The following CYP4Z1 variants were observed in gnomAD, a reference collection of about 807,000 sequenced individuals.
CYP4Z1 encodes cytochrome P450 family 4 subfamily Z member 1, also known as cytochrome P450 4Z1.
Under a neutral mutation model 54.2 loss-of-function variants are expected in CYP4Z1, and 41 were observed. That is an observed-to-expected ratio of 0.76 (90% CI 0.59 to 0.98). The LOEUF is 0.98. Among genes scored for constraint, CYP4Z1 ranks in the 50% least tolerant of loss-of-function variants. The pLI is 0.00. For synonymous variants in CYP4Z1, 163 were observed against 206.2 expected (o/e 0.79, Z 1.79); for missense variants, 513 against 599.0 (o/e 0.86, Z 1.50).
At chr1:47,089,147 A>G (rs1037910347) in intron 6 of CYP4Z1, among the ~76,000 whole-genome samples, 1 of 150,784 alleles carries the variant, frequency 6.6e-6, no homozygotes, top group Non-Finnish European at 1.5e-5. Flanking sequence ...GTTTTAGATC[A>G]TAAGTTTAGT....
chr1:47,103,595 C>CTTTTTTTTTT (rs373166937), intron 8 of CYP4Z1, among the ~76,000 whole-genome samples: 27 of 96,020 alleles, frequency 2.8e-4, no homozygotes, highest in East Asian at 1.7e-3. Context: ...TCTTTTTTTT[C>CTTTTTTTTTT]TTTTTTTTTT....
rs762445971 is a variant in CYP4Z1 at position 47,082,337 on chromosome 1, G to A, written c.368G>A (p.Arg123Gln). The A allele has an allele frequency of 1.1e-5, 18 of 1,602,862 alleles. No homozygotes were observed. The highest frequency in any genetic ancestry group is 6.9e-5 in the Admixed American group (4 of 58,358). Residue 123 changes from arginine (R) to glutamine (Q), a missense_variant, in exon 4 of 12, where the codon CGA becomes CAA. Physicochemically the swap from Arg to Gln is conservative, Grantham distance 43. Coordinates refer to ENST00000334194, the MANE Select transcript of CYP4Z1 (RefSeq NM_178134.3). The part of the protein sequence containing the change: ...SHKILESWVG[R>Q]GLVTLDGSKW... The stretch of plus-strand genomic sequence containing the variant: ...GTTGCCCCTCTCATTTCATAAGGTC[G>A]AGGACTTGTGACCCTGGATGGTTCT...
chr1:47,116,601 T>A, intron 10 of CYP4Z1, 49 bp from the exon 11 acceptor site: 3 of 1,230,098 alleles, frequency 2.4e-6, no homozygotes, highest in Non-Finnish European at 3.4e-6. Flanking sequence ...TTGTTTTTTG[T>A]GGGGGTGGGC....
At chr1:47,103,524 G>C (rs1440328531) in intron 8 of CYP4Z1, among the ~76,000 whole-genome samples, 2 of 147,244 alleles carry the variant, frequency 1.4e-5, no homozygotes, top group African/African-American at 5.0e-5. Flanking sequence ...TGAATTTCTT[G>C]TCTGACTTCT....
At chr1:47,056,564 CG>C in the CYP4Z1 span, among the ~76,000 whole-genome samples, 2 of 152,020 alleles carry the variant, frequency 1.3e-5, no homozygotes, top group Non-Finnish European at 2.9e-5. Context: ...TAAGTCTCTT[CG>C]TAGGTCACTA....
chr1:47,117,419 A>G (rs564547668), intron 11 of CYP4Z1, among the ~76,000 whole-genome samples: 7 of 152,146 alleles, frequency 4.6e-5, no homozygotes, highest in African/African-American at 1.4e-4. Context: ...CTTAAAATAA[A>G]ACATTTGCTG....
intron 7 of CYP4Z1, among the ~76,000 whole-genome samples, chr1:47,097,548 G>A (rs1644687055): frequency 6.6e-6 from 1 of 152,102 alleles, no homozygotes; most frequent in Non-Finnish European, 1.5e-5. Context: ...CTCCCAGCAT[G>A]GTTTATTAAA....
chr1:47,086,028 CT>C (rs1400961968), intron 6 of CYP4Z1, among the ~76,000 whole-genome samples: 1 of 151,588 alleles, frequency 6.6e-6, no homozygotes, highest in Non-Finnish European at 1.5e-5. Flanking sequence ...TGAACTCATC[CT>C]TTTTTATGGC....
chr1:47,063,901 A>AT (rs369592786), upstream of CYP4Z1, among the ~76,000 whole-genome samples: 8 of 151,912 alleles, frequency 5.3e-5, no homozygotes, highest in Admixed American at 1.3e-4. Flanking sequence ...CACCTGGGAA[A>AT]TTCATCACAA....
Position 47,103,278 on chromosome 1 carries a change from C to T in CYP4Z1, c.1068-2850C>T, listed in dbSNP as rs757687009. ...CACTGCAGCCTCAAACTCCTGGGCTCAAGCAGTCTTCCTGTTTCAGCCTTC... is the reference window on the plus strand; with the variant it reads ...CACTGCAGCCTCAAACTCCTGGGCTTAAGCAGTCTTCCTGTTTCAGCCTTC... On this transcript the variant is annotated intron_variant, in intron 8 of 11. Transcript: ENST00000334194. 2.0e-5 allele frequency among the ~76,000 whole-genome samples: 3 copies of T among 151,864 alleles called. 1 individual carries two copies. Among genetic ancestry groups the T allele is most frequent in the African/African-American group, 4.8e-5 (2 of 41,336 alleles).
chr1:47,058,292 A>G, the CYP4Z1 span, among the ~76,000 whole-genome samples: 1 of 151,966 alleles, frequency 6.6e-6, no homozygotes, highest in African/African-American at 2.4e-5. Context: ...ATAATTTTTC[A>G]CTTTTAAAAT....
At chr1:47,066,709 A>AG (rs1236899479), upstream of CYP4Z1, among the ~76,000 whole-genome samples, 3 of 152,136 alleles carry the variant, frequency 2.0e-5, no homozygotes, top group Non-Finnish European at 2.9e-5. Context: ...ATTGGTAAAA[A>AG]GGAGGTCAAA....
upstream of CYP4Z1, among the ~76,000 whole-genome samples, chr1:47,065,719 A>G (rs1433099200): frequency 1.3e-5 from 2 of 152,158 alleles, no homozygotes; most frequent in African/African-American, 4.8e-5. Flanking sequence ...AAAAAATACA[A>G]AAAATAAATG....
chr1:47,106,637 C>T (rs1465642458), intron 9 of CYP4Z1, among the ~76,000 whole-genome samples: 5 of 152,138 alleles, frequency 3.3e-5, no homozygotes, highest in Admixed American at 6.6e-5. Context: ...CCTTCCCTCA[C>T]GCACACCGGC....
In CYP4Z1 at chr1:47,117,836, A is replaced by G. The variant is rs747332699; in HGVS notation, c.1420A>G (p.Lys474Glu). ...AGTGGCATTAACTCTGCTCCGCTTC[A>G]AGCTGGCTCCAGACCACTCAAGGCC... is the stretch of plus-strand genomic sequence containing the variant. ...VAVALTLLRF[K>E]LAPDHSRPPQ... The change falls in exon 12 of 12, where the codon AAG becomes GAG. Residue 474 changes from lysine to glutamate, a missense_variant. Coordinates refer to ENST00000334194, the MANE Select transcript of CYP4Z1 (RefSeq NM_178134.3). 3.7e-6 allele frequency: 6 copies of G among 1,613,616 alleles called. No individual in the cohort carries two copies. Among genetic ancestry groups the G allele is most frequent in the South Asian group, 2.2e-5 (2 of 91,062 alleles).
chr1:47,090,173 T>G (rs1378480230), intron 6 of CYP4Z1, among the ~76,000 whole-genome samples: 3 of 152,246 alleles, frequency 2.0e-5, no homozygotes, highest in African/African-American at 7.2e-5. Flanking sequence ...TGGATTATAT[T>G]ATGAACCTTC....
chr1:47,105,678 A>G (rs1644751682), intron 8 of CYP4Z1, among the ~76,000 whole-genome samples: 1 of 152,066 alleles, frequency 6.6e-6, no homozygotes, highest in Non-Finnish European at 1.5e-5. Flanking sequence ...TCTACTTGCT[A>G]TGTTGGTTCC....
In CYP4Z1 at chr1:47,067,532, C is replaced by G; in HGVS notation, c.42C>G (p.Phe14Leu). The G allele has an allele frequency of 6.2e-7, 1 of 1,613,126 alleles. No homozygotes were observed. Among genetic ancestry groups the G allele is most frequent in the Non-Finnish European group, 8.5e-7 (1 of 1,179,474 alleles). Reference sequence around the variant, plus strand: ...TTCAGGAACTCATGGCTCACCCCTTCTTGCTGCTGATCCTCCTCTGCATGT... The same window carrying G: ...TTCAGGAACTCATGGCTCACCCCTTGTTGCTGCTGATCCTCCTCTGCATGT... ...SWLQELMAHP[F>L]LLLILLCMSL... is the part of the protein sequence containing the mutation. The change falls in exon 1 of 12, where the codon TTC becomes TTG. Residue 14 changes from phenylalanine (F) to leucine (L), a missense_variant. By Grantham distance (22) the Phe-to-Leu change is conservative (BLOSUM62 0). Transcript: ENST00000334194.
In CYP4Z1 at chr1:47,115,535, C is replaced by G; in HGVS notation, c.1208C>G (p.Thr403Ser). 1 of 1,612,672 alleles carries G rather than the reference C, an allele frequency of 6.2e-7. No individual in the cohort carries two copies. Among genetic ancestry groups the G allele is most frequent in the Middle Eastern group, 1.7e-4 (1 of 6,044 alleles). The stretch of plus-strand genomic sequence containing the variant: ...TTTTCTTCTGTTTACTCAGGAATAA[C>G]TGTGTTTATCAATATTTGGGCTCTT... ...PDGRSLPAGI[T>S]VFINIWALHH... The change falls in exon 10 of 12, where the codon ACT becomes AGT. Residue 403 changes from threonine (T) to serine (S), a missense_variant. Transcript: ENST00000334194.
Sources: gnomAD v4.1 joint callset for allele counts (sites outside exome capture counted in the v4.1 genomes callset) on GRCh38, gnomAD v4.1.1 for gene constraint, MANE v1.5 for transcripts, NCBI Gene and HGNC (gene_info 2026-07-23, HGNC 2026-07-21) for gene names.